ENTREP2: variants seen among roughly 807,000 people sequenced by gnomAD.
The protein encoded by ENTREP2 is protein ENTREP2.
chr15:29,439,277 T>C, the ENTREP2 span, among the ~76,000 whole-genome samples: 1 of 117,186 alleles, frequency 8.5e-6, no homozygotes, highest in Non-Finnish European at 1.7e-5. Flanking sequence ...TGCTAGAAAA[T>C]TGGAATTACA....
the ENTREP2 span, among the ~76,000 whole-genome samples, chr15:29,339,417 G>A: frequency 2.0e-5 from 3 of 152,230 alleles, no homozygotes; most frequent in Admixed American, 6.5e-5. Context: ...TGATATGAGA[G>A]ATCCATCCAA....
At chr15:29,497,125 CTTT>C in the ENTREP2 span, among the ~76,000 whole-genome samples, 1 of 152,142 alleles carries the variant, frequency 6.6e-6, no homozygotes, top group Non-Finnish European at 1.5e-5. Flanking sequence ...CTCTCGCACT[CTTT>C]TTCTCTTCTG....
chr15:29,360,226 T>C, the ENTREP2 span, among the ~76,000 whole-genome samples: 1 of 152,240 alleles, frequency 6.6e-6, no homozygotes, highest in Non-Finnish European at 1.5e-5. Context: ...TTTATAACGG[T>C]AATTGCCTTC....
chr15:29,265,920 C>G, the ENTREP2 span: 2 of 152,144 alleles, frequency 1.3e-5, no homozygotes, highest in Non-Finnish European at 2.9e-5. Flanking sequence ...AGGCAGAAAA[C>G]ATATTTACAA....
chr15:29,141,964 AT>A, the ENTREP2 span, among the ~76,000 whole-genome samples: 2 of 152,216 alleles, frequency 1.3e-5, no homozygotes, highest in African/African-American at 4.8e-5. Flanking sequence ...CTGTAATTGC[AT>A]AAGGAAATAG....
the ENTREP2 span, among the ~76,000 whole-genome samples, chr15:29,271,383 GA>G: frequency 5.3e-5 from 8 of 152,146 alleles, no homozygotes; most frequent in Non-Finnish European, 1.2e-4. Flanking sequence ...TGTATTGAGG[GA>G]ATAGAGAGAC....
At chr15:29,454,751 G>A in the ENTREP2 span, among the ~76,000 whole-genome samples, 20 of 152,148 alleles carry the variant, frequency 1.3e-4, no homozygotes, top group African/African-American at 4.6e-4. Flanking sequence ...CCCTGGAGAT[G>A]ACGCAGCTCC....
chr15:29,543,947 G>T, the ENTREP2 span, among the ~76,000 whole-genome samples: 1 of 151,918 alleles, frequency 6.6e-6, no homozygotes, highest in African/African-American at 2.4e-5. Flanking sequence ...TTATGTAAAT[G>T]AAATTGAACT....
At chr15:29,452,380 G>A in the ENTREP2 span, among the ~76,000 whole-genome samples, 10 of 152,308 alleles carry the variant, frequency 6.6e-5, no homozygotes, top group East Asian at 1.5e-3. Context: ...CTTCACCCTC[G>A]TCAGCTCCCA....
chr15:29,629,915 G>C, the ENTREP2 span, among the ~76,000 whole-genome samples: 1 of 152,052 alleles, frequency 6.6e-6, no homozygotes, highest in African/African-American at 2.4e-5. Flanking sequence ...CCAGGAATTC[G>C]AGACCAGCCT....
chr15:29,603,785 A>T, the ENTREP2 span, among the ~76,000 whole-genome samples: 1 of 152,058 alleles, frequency 6.6e-6, no homozygotes, highest in Admixed American at 6.6e-5. Context: ...ATTATAGGCA[A>T]GCACCACCAC....
chr15:29,208,148 C>G, the ENTREP2 span, among the ~76,000 whole-genome samples: 1 of 144,938 alleles, frequency 6.9e-6, no homozygotes, highest in African/African-American at 2.5e-5. Context: ...TTTGCTTTCA[C>G]CCTCCCCTCC....
At chr15:29,301,865 A>G in the ENTREP2 span, among the ~76,000 whole-genome samples, 1 of 152,178 alleles carries the variant, frequency 6.6e-6, no homozygotes, top group Non-Finnish European at 1.5e-5. Flanking sequence ...GCGAGGAGGT[A>G]CCATCTATGA....
the ENTREP2 span, among the ~76,000 whole-genome samples, chr15:29,544,031 T>C: frequency 0.01 from 1,563 of 151,806 alleles, 26 homozygotes; most frequent in African/African-American, 0.036. Flanking sequence ...TTATATTATA[T>C]AAATTTGTAT....
chr15:29,323,403 G>A, the ENTREP2 span, among the ~76,000 whole-genome samples: 4 of 152,186 alleles, frequency 2.6e-5, no homozygotes, highest in African/African-American at 4.8e-5. Context: ...GAGGTTCCTG[G>A]AGGGTGGCGT....
At chr15:29,394,160 A>G in the ENTREP2 span, among the ~76,000 whole-genome samples, 1 of 152,206 alleles carries the variant, frequency 6.6e-6, no homozygotes, top group Non-Finnish European at 1.5e-5. Context: ...ATGGACGTAT[A>G]TACCATGTTC....
the ENTREP2 span, among the ~76,000 whole-genome samples, chr15:29,413,742 A>C: frequency 6.6e-6 from 1 of 152,140 alleles, no homozygotes; most frequent in East Asian, 1.9e-4. Flanking sequence ...GTCCCAGGGA[A>C]ATGTTCAATA....
the ENTREP2 span, among the ~76,000 whole-genome samples, chr15:29,635,132 C>T: frequency 1.3e-5 from 2 of 152,118 alleles, no homozygotes; most frequent in African/African-American, 2.4e-5. Context: ...CATGAGCCAC[C>T]GCACCCGGCC....
the ENTREP2 span, among the ~76,000 whole-genome samples, chr15:29,160,358 G>A: frequency 6.6e-6 from 1 of 152,156 alleles, no homozygotes; most frequent in African/African-American, 2.4e-5. Context: ...CTCCTCAAGT[G>A]CCGCCAAAGT....
Sources: gnomAD v4.1 joint callset for allele counts (sites outside exome capture counted in the v4.1 genomes callset) on GRCh38, gnomAD v4.1.1 for gene constraint, MANE v1.5 for transcripts, NCBI Gene and HGNC (gene_info 2026-07-23, HGNC 2026-07-21) for gene names.